LRRC7: variants seen among roughly 807,000 people sequenced by gnomAD.
LRRC7 encodes leucine rich repeat containing 7, also known as leucine-rich repeat-containing protein 7.
In LRRC7, 23 loss-of-function variants were observed where a neutral mutation model predicts 175.7. The observed-to-expected ratio is 0.13, with a 90% CI of 0.09 to 0.19. The LOEUF is 0.19. Ranked by LOEUF, LRRC7 falls within the 10% of genes least tolerant of loss-of-function variation. The pLI, the probability that LRRC7 is intolerant of heterozygous loss-of-function variation, is 1.00. For synonymous variants in LRRC7, 685 were observed against 680.9 expected, an observed-to-expected ratio of 1.01 and a Z score of -0.09; for missense variants, 1,354 against 1,904.7, an observed-to-expected ratio of 0.71 and a Z score of 5.38.
intron 1 of LRRC7, among the ~76,000 whole-genome samples, chr1:69,583,899 C>A (rs1487280301): frequency 1.3e-5 from 2 of 152,078 alleles, no homozygotes; most frequent in Non-Finnish European, 2.9e-5. Flanking sequence ...TATGCAAGGC[C>A]TCTCCAAGAC....
chr1:69,781,932 G>GAAAA (rs755834892), intron 3 of LRRC7, among the ~76,000 whole-genome samples: 3 of 144,728 alleles, frequency 2.1e-5, no homozygotes, highest in Admixed American at 6.9e-5. Flanking sequence ...AAGAAAGAAA[G>GAAAA]AAAGAAAGAG....
chr1:70,116,883 T>C (rs1665896701), intron 26 of LRRC7, among the ~76,000 whole-genome samples: 1 of 152,176 alleles, frequency 6.6e-6, no homozygotes, highest in Admixed American at 6.5e-5. Context: ...TGAAGCACAA[T>C]GAGGATTATC....
chr1:69,983,992 C>T (rs1444618658), intron 9 of LRRC7, among the ~76,000 whole-genome samples: 1 of 151,950 alleles, frequency 6.6e-6, no homozygotes, highest in East Asian at 1.9e-4. Flanking sequence ...GTGGCATGAT[C>T]TCAGCTCACC....
At chr1:69,655,307 C>G (rs543177089) in intron 1 of LRRC7, among the ~76,000 whole-genome samples, 2 of 152,052 alleles carry the variant, frequency 1.3e-5, no homozygotes, top group African/African-American at 4.8e-5. Context: ...TCTACTACCA[C>G]GTAGGCGGCT....
chr1:69,705,478 C>G (rs576320695), intron 2 of LRRC7, among the ~76,000 whole-genome samples: 1 of 152,092 alleles, frequency 6.6e-6, no homozygotes, highest in Non-Finnish European at 1.5e-5. Context: ...TAAACATTTT[C>G]TTTGAGAGTC....
chr1:69,726,389 G>T (rs1036164324), intron 2 of LRRC7, among the ~76,000 whole-genome samples: 1 of 152,234 alleles, frequency 6.6e-6, no homozygotes, highest in Non-Finnish European at 1.5e-5. Context: ...GAAATGTAAA[G>T]ATTCCTTAAA....
chr1:69,782,015 A>C (rs1332081577), intron 3 of LRRC7, among the ~76,000 whole-genome samples: 1 of 152,138 alleles, frequency 6.6e-6, no homozygotes, highest in Non-Finnish European at 1.5e-5. Context: ...CTGATTTTGA[A>C]TCTTAGCTCT....
At position 69,899,378 on chromosome 1, in the gene LRRC7, G is replaced by C. The variant is rs115988954; in HGVS notation, c.648-32129G>C. ...CTTACCTTTCTGGAGAGGAAACTTT[G>C]CCTCCTAACAAGACTCCTGAAGTAG... is the stretch of plus-strand genomic sequence containing the variant. On this transcript the variant is annotated intron_variant, in intron 7 of 26. Transcript: ENST00000651989. Among the ~76,000 whole-genome samples the C allele has an allele frequency of 3.2e-3, 486 of 152,262 alleles. 3 individuals carry two copies. Among genetic ancestry groups the C allele is most frequent in the African/African-American group, 0.011 (469 of 41,556 alleles).
At chr1:69,867,356 G>A (rs1259637959) in intron 7 of LRRC7, among the ~76,000 whole-genome samples, 1 of 152,158 alleles carries the variant, frequency 6.6e-6, no homozygotes, top group Non-Finnish European at 1.5e-5. Flanking sequence ...AACTCAGGCT[G>A]ATTCGCTCAG....
intron 15 of LRRC7, among the ~76,000 whole-genome samples, chr1:70,020,657 T>C (rs1189143688): frequency 6.6e-6 from 1 of 151,984 alleles, no homozygotes; most frequent in African/African-American, 2.4e-5. Context: ...AGTAATACCA[T>C]TGTGTTGTTG....
chr1:70,109,607 T>A (rs1665386219), intron 26 of LRRC7, among the ~76,000 whole-genome samples: 1 of 152,236 alleles, frequency 6.6e-6, no homozygotes, highest in African/African-American at 2.4e-5. Context: ...GCCTAACTAG[T>A]CCTTTGATCT....
chr1:70,004,983 G>C (rs927717138), intron 11 of LRRC7, among the ~76,000 whole-genome samples: 2 of 151,772 alleles, frequency 1.3e-5, no homozygotes, highest in Admixed American at 1.3e-4. Context: ...GAATATCGCA[G>C]GACAACTTTT....
At position 69,997,460 on chromosome 1, in the gene LRRC7, G is replaced by A. The variant is rs920424694; in HGVS notation, c.1004+2827G>A. 2.6e-5 allele frequency among the ~76,000 whole-genome samples: 4 copies of A among 151,334 alleles called. No homozygotes were observed. The East Asian group carries it at 5.8e-4, about 22-fold the overall frequency. ...ATGTTGAATAGGAGTGGTGAGAGAG[G>A]GCATCCCTGTCTTGTGCCAGTTTTC... On this transcript the variant is annotated intron_variant, in intron 11 of 26. Coordinates refer to ENST00000651989, the MANE Select transcript of LRRC7 (RefSeq NM_001370785.2).
chr1:69,648,223 T>C (rs1210744345), intron 1 of LRRC7, among the ~76,000 whole-genome samples: 7 of 152,074 alleles, frequency 4.6e-5, no homozygotes, highest in African/African-American at 1.7e-4. Flanking sequence ...GTGTGTAACA[T>C]TTAGTGTCTG....
chr1:70,019,036 A>G (rs915130613), intron 15 of LRRC7, among the ~76,000 whole-genome samples: 1 of 152,008 alleles, frequency 6.6e-6, no homozygotes, highest in Non-Finnish European at 1.5e-5. Flanking sequence ...TCATCTTTAT[A>G]TCTTACATAA....
At chr1:69,875,951 C>G (rs1468054725) in intron 7 of LRRC7, among the ~76,000 whole-genome samples, 1 of 152,072 alleles carries the variant, frequency 6.6e-6, no homozygotes, top group African/African-American at 2.4e-5. Flanking sequence ...CTGTACGATA[C>G]AAATACCATA....
At chr1:69,678,077 T>C (rs913612417) in intron 1 of LRRC7, among the ~76,000 whole-genome samples, 1 of 152,114 alleles carries the variant, frequency 6.6e-6, no homozygotes, top group Non-Finnish European at 1.5e-5. Flanking sequence ...CACTGGGGGC[T>C]GGTGCTTCAA....
chr1:69,816,770 A>G (rs1570108553), intron 4 of LRRC7, among the ~76,000 whole-genome samples: 1 of 152,094 alleles, frequency 6.6e-6, no homozygotes, highest in Admixed American at 6.6e-5. Context: ...TTATAACTGA[A>G]AGCTCATACC....
At chr1:70,074,338 C>G (rs1438526564) in intron 23 of LRRC7, among the ~76,000 whole-genome samples, 1 of 151,918 alleles carries the variant, frequency 6.6e-6, no homozygotes, top group Non-Finnish European at 1.5e-5. Flanking sequence ...TGGCAGCAAG[C>G]AAGAGTTGAA....
Sources: gnomAD v4.1 joint callset for allele counts (sites outside exome capture counted in the v4.1 genomes callset) on GRCh38, gnomAD v4.1.1 for gene constraint, MANE v1.5 for transcripts, NCBI Gene and HGNC (gene_info 2026-07-23, HGNC 2026-07-21) for gene names.